The following TTN variants were observed in gnomAD, a reference collection of about 807,000 sequenced individuals.
TTN encodes titin.
In TTN, 1,525 loss-of-function variants were observed where a neutral mutation model predicts 3,223.0. That is an observed-to-expected ratio of 0.47 (90% CI 0.45 to 0.49). The LOEUF (loss-of-function observed/expected upper bound fraction) is 0.49. TTN is among the 20% of genes least tolerant of loss of function. The pLI is 0.00. For missense variants in TTN, 40,786 were observed against 43,424.0 expected (o/e 0.94, Z 5.40); for synonymous variants, 14,094 against 15,161.0 (o/e 0.93, Z 5.17).
chr2:178,608,134 C>T, intron 275 of TTN, 44 bp downstream of exon 275: 1 of 1,603,730 alleles, frequency 6.2e-7, no homozygotes, highest in Non-Finnish European at 8.5e-7. Context: ...TTAAAATGTA[C>T]AATAGCTTGT....
Position 178,766,634 on chromosome 2 carries a change from A to AC in TTN, c.9472-23_9472-22insG, listed in dbSNP as rs747388227. 38 of 1,585,994 alleles carry AC rather than the reference A, an allele frequency of 2.4e-5. No individual in the cohort carries two copies. In the Admixed American group the frequency reaches 4.6e-4, roughly 19 times the overall value. ...TGACCTGTTGATGGAACAACATAAA[A>AC]AAACAACAACAACAACAAAAACTTG... On this transcript the variant is annotated intron_variant, in intron 40 of 362. Coordinates refer to ENST00000589042, the MANE Select transcript of TTN (RefSeq NM_001267550.2).
Position 178,549,615 on chromosome 2 carries a change from C to G in TTN, c.92107G>C (p.Gly30703Arg), listed in dbSNP as rs1418904114. The G allele has an allele frequency of 6.2e-7, 1 of 1,613,722 alleles. No individual in the cohort carries two copies. The highest frequency in any genetic ancestry group is 1.7e-5 in the Admixed American group (1 of 59,998). ...RVSAVNKFGV[G>R]RPLDSDPVVA... ...ACTGGATCAGAATCAAGTGGCCTGC[C>G]AACACCAAACTTGTTAACTGCAGAA... The change falls in exon 338 of 363, where the codon GGC becomes CGC. Residue 30703 changes from glycine (G) to arginine (R), a missense_variant. By Grantham distance (125) the Gly-to-Arg change is moderately radical. Coordinates refer to ENST00000589042, the MANE Select transcript of TTN (RefSeq NM_001267550.2).
rs2058036083 is a variant in TTN, at chr2:178,620,045, A to G, written c.46372T>C (p.Cys15458Arg). 6.2e-7 allele frequency: 1 copy of G among 1,611,846 alleles called. No individual in the cohort carries two copies. The highest frequency in any genetic ancestry group is 1.7e-5 in the Admixed American group (1 of 59,816). ...IIKDCRLDDE[C>R]EYACGVEDRK... ...TCTTCTACCCCGCAAGCATATTCAC[A>G]CTCATCATCCAGCCTGCAATCTTTT... is the stretch of plus-strand genomic sequence containing the variant. Residue 15458 changes from cysteine (C) to arginine (R), a missense_variant, in exon 249 of 363, where the codon TGT (cysteine) becomes CGT (arginine). Cys to Arg is a radical substitution (Grantham distance 180). Transcript: ENST00000589042.
At chr2:178,554,260 A>G (rs1407785937) in intron 332 of TTN, 44 bp from the exon 333 acceptor site, 2 of 1,513,386 alleles carry the variant, frequency 1.3e-6, no homozygotes, top group Admixed American at 4.4e-5. Context: ...AATCCACATT[A>G]CTGATAAATT....
chr2:178,745,749 CA>C, intron 47 of TTN: 1 of 1,612,746 alleles, frequency 6.2e-7, no homozygotes, highest in Non-Finnish European at 8.5e-7. Flanking sequence ...ACTAATTTTC[CA>C]TCTTTGTACC....
chr2:178,597,946 C>T lies in TTN; in HGVS notation c.57224G>A (p.Gly19075Glu). Reference sequence around the variant, plus strand: ...CATTTCAATGACATCTGTGACCTCTCCAGGTTCTCCAATGCCAGCAATGTT... The same window carrying T: ...CATTTCAATGACATCTGTGACCTCTTCAGGTTCTCCAATGCCAGCAATGTT... Reference protein sequence around the residue: ...AVNIAGIGEPGEVTDVIEMKD... With the variant: ...AVNIAGIGEPEEVTDVIEMKD... Residue 19075 changes from glycine (G) to glutamate (E), a missense_variant, in exon 293 of 363, where the codon GGA becomes GAA. Coordinates refer to ENST00000589042, the MANE Select transcript of TTN (RefSeq NM_001267550.2). 2 of 1,613,332 alleles carry T rather than the reference C, an allele frequency of 1.2e-6. No homozygotes were observed. Among genetic ancestry groups the T allele is most frequent in the East Asian group, 2.2e-5 (1 of 44,738 alleles).
chr2:178,605,487 A>G lies in TTN; in HGVS notation c.53808T>C (p.Arg17936=). 5 of 1,612,292 alleles carry G rather than the reference A, an allele frequency of 3.1e-6. No homozygotes were observed. Among genetic ancestry groups the G allele is most frequent in the African/African-American group, 2.7e-5 (2 of 74,944 alleles). ...CACCAATTTCATTGACAGCTTTGACACGGAACTCATACATTTGGTGTTCAT... is the reference window on the plus strand; with the variant it reads ...CACCAATTTCATTGACAGCTTTGACGCGGAACTCATACATTTGGTGTTCAT... ...NLDEHQMYEF[R]VKAVNEIGES... Residue 17936 remains arginine, a synonymous_variant, in exon 279 of 363, where the codon CGT becomes CGC. Transcript: ENST00000589042.
rs1459820923 is a variant in TTN at position 178,647,056 on chromosome 2, A to ATATG, written c.40222+7_40222+8insCATA. ...TAAAAAAATGTATATATATATATAT[A>ATATG]TATATACCTTCAACAGGGGGAGTCT... On this transcript the variant is annotated splice_region_variant and intron_variant, in intron 215 of 362. Transcript: ENST00000589042. 1 of 1,035,488 alleles carries ATATG rather than the reference A, an allele frequency of 9.7e-7. No individual in the cohort carries two copies. The allele number at this position is 1,035,488 out of a possible 1,614,324, so 64.1% of individuals were successfully genotyped here. A position where few individuals can be genotyped will look rare whatever the true frequency, so the allele number is the denominator to read the frequency against.
chr2:178,537,106 C>T lies in TTN; in HGVS notation c.100003G>A (p.Glu33335Lys). 3.7e-6 allele frequency: 6 copies of T among 1,613,330 alleles called. No individual in the cohort carries two copies. Among genetic ancestry groups the T allele is most frequent in the Non-Finnish European group, 3.4e-6 (4 of 1,179,602 alleles). The change falls in exon 356 of 363, where the codon GAG (glutamate) becomes AAG (lysine). Residue 33335 changes from glutamate (E) to lysine (K), a missense_variant. By Grantham distance (56) the Glu-to-Lys change is moderately conservative. Transcript: ENST00000589042. ...GACACCAATTGCCATTCAGCCCCCT[C>T]CTTGGCCTCACATTTTTCCACCACA... ...NYVVEKCEAKEGAEWQLVSSA... is the reference protein window; with the variant it reads ...NYVVEKCEAKKGAEWQLVSSA...
At chr2:178,601,954 C>G (rs1434825066) in intron 284 of TTN, 40 bp from the exon 285 acceptor site, 13 of 1,612,510 alleles carry the variant, frequency 8.1e-6, no homozygotes, top group Non-Finnish European at 1.1e-5. Flanking sequence ...TATAAATACT[C>G]CTTATAGTGA....
At chr2:178,755,748 T>C (rs995384328) in intron 46 of TTN, among the ~76,000 whole-genome samples, 4 of 152,150 alleles carry the variant, frequency 2.6e-5, no homozygotes, top group Non-Finnish European at 4.4e-5. Context: ...TTGGTCCCAA[T>C]TTTCTATTTT....
chr2:178,775,795 C>T lies in TTN; in HGVS notation c.6069G>A (p.Lys2023=), dbSNP rs771990687. Residue 2023 remains lysine, a synonymous_variant, in exon 28 of 363, where the codon AAG becomes AAA. Coordinates refer to ENST00000589042, the MANE Select transcript of TTN (RefSeq NM_001267550.2). The part of the protein sequence containing the change: ...ITAVELKSRK[K]DESYEELLRK... ...TGAGGAGTTCCTCATAGGATTCATC[C>T]TTCTTTCGAGACTTGAGCTCCACAG... is the stretch of plus-strand genomic sequence containing the variant. 1 of 1,613,556 alleles carries T rather than the reference C, an allele frequency of 6.2e-7. No homozygotes were observed. The highest frequency in any genetic ancestry group is 8.5e-7 in the Non-Finnish European group (1 of 1,179,854).
At position 178,547,710 on chromosome 2, in the gene TTN, T is replaced by C; in HGVS notation, c.93916A>G (p.Ile31306Val). The change falls in exon 339 of 363, where the codon ATT (isoleucine) becomes GTT (valine). Residue 31306 changes from isoleucine (I) to valine (V), a missense_variant. Ile to Val is a conservative substitution (Grantham distance 29, BLOSUM62 3). Coordinates refer to ENST00000589042, the MANE Select transcript of TTN (RefSeq NM_001267550.2). ...VKTFSVTVVV[I>V]GRPGPVTGPI... ...CCGGTTACTGGACCTGGCCTTCCAA[T>C]GACCACAACTGTGACGCTAAATGTT... The C allele has an allele frequency of 6.2e-7, 1 of 1,613,904 alleles. No individual in the cohort carries two copies. The highest frequency in any genetic ancestry group is 2.2e-5 in the East Asian group (1 of 44,858).
chr2:178,557,194 G>A (rs747262388), intron 329 of TTN, 50 bp from the exon 330 acceptor site: 14 of 1,612,254 alleles, frequency 8.7e-6, no homozygotes, highest in Admixed American at 1.7e-5. Context: ...ATTTTGCTTC[G>A]CAGAAGTAAG....
At position 178,649,584 on chromosome 2, in the gene TTN, C is replaced by CTTAAAGA; in HGVS notation, c.39942_39943insTCTTTAA (p.Val13315SerfsTer4). On this transcript the variant is annotated frameshift_variant, in exon 212 of 363. Transcript: ENST00000589042. LOFTEE classifies it high-confidence loss of function. ...GCTGCTGGTGTTTCTGGCTTCTTAA[C>CTTAAAGA]AGTTGGGACCTTCTTCACTGGAACA... is the stretch of plus-strand genomic sequence containing the variant. 3 of 1,549,990 alleles carry CTTAAAGA rather than the reference C, an allele frequency of 1.9e-6. No individual in the cohort carries two copies. Among genetic ancestry groups the CTTAAAGA allele is most frequent in the Non-Finnish European group, 2.6e-6 (3 of 1,146,574 alleles).
intron 131 of TTN, 44 bp downstream of exon 131, chr2:178,684,622 C>T (rs1013224746): frequency 6.4e-7 from 1 of 1,567,120 alleles, no homozygotes; most frequent in East Asian, 2.2e-5. Context: ...GAAAGAAAGA[C>T]AAGCCATATG....
At position 178,543,539 on chromosome 2, in the gene TTN, C is replaced by T. The variant is rs759948951; in HGVS notation, c.96434G>A (p.Arg32145His). 1.3e-5 allele frequency: 21 copies of T among 1,612,550 alleles called. No homozygotes were observed. Among genetic ancestry groups the T allele is most frequent in the East Asian group, 2.2e-5 (1 of 44,816 alleles). The change falls in exon 347 of 363, where the codon CGT becomes CAT. Residue 32145 changes from arginine (R) to histidine (H), a missense_variant. Transcript: ENST00000589042. ...TTTGAATGCTCTCATAGCAGCTTCA[C>T]GCTTCTCAACGATGTAATTGTTGAC... ...APVNNYIVEK[R>H]EAAMRAFKTV... is the part of the protein sequence containing the mutation.
Position 178,654,103 on chromosome 2 carries a change from G to A in TTN, c.38381-8C>T. On this transcript the variant is annotated splice_polypyrimidine_tract_variant and splice_region_variant and intron_variant, in intron 193 of 362. Transcript: ENST00000589042. ...CTTGAGCAGCTTCAGGCACTTGAAAGATATTAGTATTTTTATAATTTATGA... is the reference window on the plus strand; with the variant it reads ...CTTGAGCAGCTTCAGGCACTTGAAAAATATTAGTATTTTTATAATTTATGA... The A allele has an allele frequency of 6.3e-7, 1 of 1,593,748 alleles. No individual in the cohort carries two copies. Among genetic ancestry groups the A allele is most frequent in the South Asian group, 1.1e-5 (1 of 90,608 alleles).
At chr2:178,804,502 G>T in intron 2 of TTN, 50 bp downstream of exon 2, 1 of 1,512,912 alleles carries the variant, frequency 6.6e-7, no homozygotes, top group Non-Finnish European at 8.9e-7. Context: ...TTAACTTACT[G>T]GAGAGGAGGC....
Sources: allele counts gnomAD v4.1 joint callset (sites outside exome capture counted in the v4.1 genomes callset), GRCh38; gene constraint gnomAD v4.1.1; transcripts MANE v1.5; gene names NCBI Gene and HGNC (gene_info 2026-07-23, HGNC 2026-07-21).